Variants in THSD7B observed in about 807,000 individuals in gnomAD.
THSD7B encodes the protein thrombospondin type 1 domain containing 7B.
Under a neutral mutation model 213.6 loss-of-function variants are expected in THSD7B, and 138 were observed. The observed-to-expected ratio is 0.65, with a 90% CI of 0.56 to 0.74. THSD7B has a LOEUF of 0.74. THSD7B is among the 30% of genes least tolerant of loss of function. THSD7B has a pLI of 0.00. For synonymous variants in THSD7B, 742 were observed against 687.0 expected, an observed-to-expected ratio of 1.08 and a Z score of -1.25; for missense variants, 1,931 against 1,991.5, an observed-to-expected ratio of 0.97 and a Z score of 0.58.
intron 2 of THSD7B, among the ~76,000 whole-genome samples, chr2:136,950,119 G>A (rs907783352): frequency 6.6e-6 from 1 of 152,182 alleles, no homozygotes; most frequent in African/African-American, 2.4e-5. Context: ...GGATGTGGTG[G>A]CACGTGGCTG....
chr2:137,157,446 G>A (rs80078627), intron 5 of THSD7B, among the ~76,000 whole-genome samples: 1 of 152,144 alleles, frequency 6.6e-6, no homozygotes, highest in South Asian at 2.1e-4. Context: ...CAAAGCCGGG[G>A]CTGTTTTGGC....
intron 7 of THSD7B, among the ~76,000 whole-genome samples, chr2:137,180,201 T>C (rs1680429511): frequency 6.6e-6 from 1 of 152,076 alleles, no homozygotes; most frequent in South Asian, 2.1e-4. Context: ...AGGTCAGAGA[T>C]GGAAAGATAC....
chr2:137,315,289 C>T (rs1474546555), intron 12 of THSD7B, among the ~76,000 whole-genome samples: 2 of 152,176 alleles, frequency 1.3e-5, no homozygotes, highest in Non-Finnish European at 2.9e-5. Context: ...ATCTGTCACC[C>T]CTTTCTTTGA....
At chr2:137,672,604 T>C (rs1216796970) in intron 27 of THSD7B, among the ~76,000 whole-genome samples, 3 of 152,206 alleles carry the variant, frequency 2.0e-5, no homozygotes, top group Non-Finnish European at 1.5e-5. Context: ...TCACAGCATC[T>C]AATTCTATTA....
At chr2:137,175,783 T>G (rs999972767) in intron 7 of THSD7B, among the ~76,000 whole-genome samples, 2 of 152,214 alleles carry the variant, frequency 1.3e-5, no homozygotes, top group Non-Finnish European at 2.9e-5. Context: ...CTTTAAATGT[T>G]TTTACGTCTG....
chr2:137,307,514 G>GAC (rs1397326339), intron 12 of THSD7B, among the ~76,000 whole-genome samples: 3 of 152,106 alleles, frequency 2.0e-5, no homozygotes, highest in Non-Finnish European at 4.4e-5. Flanking sequence ...ACCTTCTGAA[G>GAC]ACACACACAT....
intron 1 of THSD7B, among the ~76,000 whole-genome samples, chr2:136,872,597 T>A (rs936068675): frequency 6.6e-6 from 1 of 151,554 alleles, no homozygotes. Context: ...CTTTCTTTCT[T>A]TCTTCCTTTT....
At chr2:137,564,949 A>G (rs879587762) in intron 16 of THSD7B, among the ~76,000 whole-genome samples, 2 of 152,176 alleles carry the variant, frequency 1.3e-5, no homozygotes, top group Non-Finnish European at 2.9e-5. Context: ...AATAAATAGG[A>G]TCTTTAAAGA....
chr2:137,055,396 A>T (rs914913994), intron 2 of THSD7B, among the ~76,000 whole-genome samples: 4 of 152,078 alleles, frequency 2.6e-5, no homozygotes, highest in African/African-American at 9.7e-5. Context: ...ACTAATTTAC[A>T]CTCCCACCAA....
At chr2:136,802,301 A>G (rs1682197069) in intron 1 of THSD7B, among the ~76,000 whole-genome samples, 1 of 152,018 alleles carries the variant, frequency 6.6e-6, no homozygotes, top group Non-Finnish European at 1.5e-5. Context: ...TGGAGAATTC[A>G]CTTCCTTTTA....
chr2:137,044,907 C>T (rs1243602955), intron 2 of THSD7B, among the ~76,000 whole-genome samples: 1 of 152,164 alleles, frequency 6.6e-6, no homozygotes, highest in Non-Finnish European at 1.5e-5. Flanking sequence ...GGCTTGGTGT[C>T]ACTTGTTTCA....
At chr2:137,167,894 C>T (rs545142327) in intron 6 of THSD7B, among the ~76,000 whole-genome samples, 19 of 152,200 alleles carry the variant, frequency 1.2e-4, no homozygotes, top group Non-Finnish European at 2.1e-4. Context: ...TAAAGTGTGG[C>T]GAAAACACAA....
intron 2 of THSD7B, among the ~76,000 whole-genome samples, chr2:137,027,529 C>T (rs1315878530): frequency 1.3e-5 from 2 of 152,164 alleles, no homozygotes; most frequent in African/African-American, 2.4e-5. Flanking sequence ...GCATGAGGAG[C>T]TGAAACGAAA....
intron 15 of THSD7B, among the ~76,000 whole-genome samples, chr2:137,521,549 G>A (rs2105167199): frequency 6.6e-6 from 1 of 152,200 alleles, no homozygotes; most frequent in South Asian, 2.1e-4. Flanking sequence ...TCTTTCTCTT[G>A]CCCATTAGTT....
intron 1 of THSD7B, among the ~76,000 whole-genome samples, chr2:136,821,594 T>G (rs2104938319): frequency 6.6e-6 from 1 of 152,284 alleles, no homozygotes; most frequent in Non-Finnish European, 1.5e-5. Flanking sequence ...GCAGCTGGAC[T>G]TGGTGGAGAA....
At chr2:137,671,234 GC>G (rs1683565961) in intron 27 of THSD7B, among the ~76,000 whole-genome samples, 3 of 67,816 alleles carry the variant, frequency 4.4e-5, no homozygotes, top group Admixed American at 2.3e-4. Context: ...TTTATGATTT[GC>G]TTTTTTTTTT....
intron 1 of THSD7B, among the ~76,000 whole-genome samples, chr2:136,825,151 G>T (rs12478284): frequency 4.6e-5 from 7 of 151,948 alleles, no homozygotes; most frequent in African/African-American, 1.7e-4. Flanking sequence ...CAATTTAAGA[G>T]AACAATGAAA....
Position 137,057,142 on chromosome 2 carries a change from C to A in THSD7B, c.862C>A (p.His288Asn), listed in dbSNP as rs1457996914. 2 of 1,613,954 alleles carry A rather than the reference C, an allele frequency of 1.2e-6. No individual in the cohort carries two copies. The highest frequency in any genetic ancestry group is 2.2e-5 in the South Asian group (2 of 91,072). The part of the protein sequence containing the change: ...TFKHQSYKAH[H>N]HSKSWAIEIG... ...TAAACATCAAAGTTACAAAGCACAT[C>A]ATCATTCGAAGTCTTGGGCAATAGA... The change falls in exon 3 of 28, where the codon CAT becomes AAT. Residue 288 changes from histidine to asparagine, a missense_variant. Transcript: ENST00000409968.
intron 15 of THSD7B, among the ~76,000 whole-genome samples, chr2:137,540,027 G>T (rs1680581748): frequency 6.6e-6 from 1 of 151,604 alleles, no homozygotes; most frequent in Admixed American, 6.6e-5. Context: ...CTAAAATCTT[G>T]ATATACATAT....
Sources: gnomAD v4.1 joint callset for allele counts (sites outside exome capture counted in the v4.1 genomes callset) on GRCh38, gnomAD v4.1.1 for gene constraint, MANE v1.5 for transcripts, NCBI Gene and HGNC (gene_info 2026-07-23, HGNC 2026-07-21) for gene names.